Variants in PLA2G5 observed in about 807,000 individuals in gnomAD.
The protein encoded by PLA2G5 is phospholipase A2 group V.
Under a neutral mutation model 15.9 loss-of-function variants are expected in PLA2G5, and 12 were observed. The ratio of observed to expected loss-of-function variants is 0.76; its 90% CI spans 0.48 to 1.23. The LOEUF (loss-of-function observed/expected upper bound fraction) is 1.23, where lower values mean the gene tolerates loss of function less well. Among genes scored for constraint, PLA2G5 ranks in the 50% most tolerant of loss-of-function variants. The pLI is 0.00. For synonymous variants in PLA2G5, 71 were observed against 71.4 expected (o/e 0.99, Z 0.03); for missense variants, 169 against 177.1 (o/e 0.95, Z 0.26).
chr1:20,081,351 T>C (rs1176970375), intron 1 of PLA2G5, among the ~76,000 whole-genome samples: 2 of 151,798 alleles, frequency 1.3e-5, no homozygotes, highest in East Asian at 1.9e-4. Context: ...CTTTCCAGGG[T>C]GTGGGTTTTC....
In PLA2G5 at chr1:20,070,386, C is replaced by A; in HGVS notation, c.-90C>A. 1 of 985,414 alleles carries A rather than the reference C, an allele frequency of 1.0e-6. No homozygotes were observed. The highest frequency in any genetic ancestry group is 1.2e-6 in the Non-Finnish European group (1 of 829,910). 61.0% of individuals were successfully genotyped at this position (985,414 alleles called of 1,614,324 possible). A position where few individuals can be genotyped will look rare whatever the true frequency, so the allele number is the denominator to read the frequency against. On this transcript the variant is annotated 5_prime_UTR_variant, in exon 1 of 5. Transcript: ENST00000375108. ...GACTGGAGACGGGGAGCCCGCGAGA[C>A]CCGGGTCTCCAGGGTCTGCCCAAGG...
At chr1:20,063,255 A>C (rs1410922998) in intron 2 of PLA2G5, among the ~76,000 whole-genome samples, 1 of 152,222 alleles carries the variant, frequency 6.6e-6, no homozygotes, top group Non-Finnish European at 1.5e-5. Context: ...TCTCACAACA[A>C]ATAGGTGCCC....
chr1:20,066,997 C>T (rs565529440), upstream of PLA2G5, among the ~76,000 whole-genome samples: 1 of 49,260 alleles, frequency 2.0e-5, no homozygotes, highest in South Asian at 9.1e-4. Flanking sequence ...CAGAGTGAGA[C>T]CTTGTCTTTT....
chr1:20,029,183 G>A (rs1428129263), intron 1 of PLA2G5, among the ~76,000 whole-genome samples: 3 of 152,160 alleles, frequency 2.0e-5, no homozygotes, highest in Non-Finnish European at 4.4e-5. Flanking sequence ...GAAACCAGAA[G>A]GGAGATGGTT....
In PLA2G5 at chr1:20,091,867, C is replaced by A. The variant is rs933727425; in HGVS notation, c.*1175C>A. On this transcript the variant is annotated 3_prime_UTR_variant, in exon 5 of 5. Coordinates refer to ENST00000375108, the MANE Select transcript of PLA2G5 (RefSeq NM_000929.3). ...GTCTATATTTAAAAAGCTCTAGTGT[C>A]GAATGTTTTCAAAATAAAATTTAAT... 6.6e-6 allele frequency among the ~76,000 whole-genome samples: 1 copy of A among 152,044 alleles called. No homozygotes were observed. Among genetic ancestry groups the A allele is most frequent in the African/African-American group, 2.4e-5 (1 of 41,386 alleles).
At chr1:20,055,516 C>T (rs2014388531) in intron 1 of PLA2G5, among the ~76,000 whole-genome samples, 1 of 152,150 alleles carries the variant, frequency 6.6e-6, no homozygotes, top group African/African-American at 2.4e-5. Flanking sequence ...CTCTGGCCCA[C>T]CACCTGATGT....
chr1:20,064,562 G>A (rs1026118113), intron 2 of PLA2G5, among the ~76,000 whole-genome samples: 3 of 149,358 alleles, frequency 2.0e-5, no homozygotes, highest in African/African-American at 7.4e-5. Flanking sequence ...GTGACAGAGC[G>A]AGACTCCATC....
intron 1 of PLA2G5, among the ~76,000 whole-genome samples, chr1:20,083,384 C>T (rs759148574): frequency 6.6e-6 from 1 of 151,744 alleles, no homozygotes. Flanking sequence ...TCTTGGGAGG[C>T]GCCAGGGGTT....
intron 1 of PLA2G5, among the ~76,000 whole-genome samples, chr1:20,074,694 A>G (rs866490103): frequency 1.3e-5 from 2 of 152,334 alleles, no homozygotes; most frequent in African/African-American, 4.8e-5. Flanking sequence ...ACCACTCCCA[A>G]GACAGCTCAT....
In PLA2G5 at chr1:20,084,890, C is replaced by T. The variant is rs779836652; in HGVS notation, c.40+20C>T. ...CTTGTAGTAAGTGCTGGCCCCGTGA[C>T]CTTCGAATGAACTTTTACCCCATGG... On this transcript the variant is annotated intron_variant, in intron 2 of 4. Coordinates refer to ENST00000375108, the MANE Select transcript of PLA2G5 (RefSeq NM_000929.3). The T allele has an allele frequency of 3.8e-6, 6 of 1,576,906 alleles. No homozygotes were observed. Among genetic ancestry groups the T allele is most frequent in the Middle Eastern group, 1.7e-4 (1 of 5,992 alleles).
chr1:20,055,354 A>T (rs2014382923), intron 1 of PLA2G5, among the ~76,000 whole-genome samples: 2 of 152,184 alleles, frequency 1.3e-5, no homozygotes, highest in African/African-American at 4.8e-5. Flanking sequence ...GGCGGAAATA[A>T]ATCAGTGACC....
intron 1 of PLA2G5, among the ~76,000 whole-genome samples, chr1:20,037,742 C>A (rs1569632108): frequency 6.6e-6 from 1 of 152,134 alleles, no homozygotes; most frequent in Admixed American, 6.6e-5. Context: ...TGGGGGAATA[C>A]AAGTTTGCCC....
intron 1 of PLA2G5, among the ~76,000 whole-genome samples, chr1:20,032,538 C>T (rs2013016344): frequency 6.6e-6 from 1 of 151,948 alleles, no homozygotes; most frequent in East Asian, 1.9e-4. Context: ...TTTGATAGCT[C>T]CCTGAGGGGA....
chr1:20,048,722 T>C (rs981063095), intron 1 of PLA2G5, among the ~76,000 whole-genome samples: 1 of 152,216 alleles, frequency 6.6e-6, no homozygotes, highest in African/African-American at 2.4e-5. Context: ...TCTTCTTCAC[T>C]GGGTCTGTTA....
chr1:20,054,586 T>C (rs945897415), intron 1 of PLA2G5, among the ~76,000 whole-genome samples: 1 of 152,130 alleles, frequency 6.6e-6, no homozygotes, highest in African/African-American at 2.4e-5. Flanking sequence ...AATGTTTTCC[T>C]CCCAACTTGG....
At chr1:20,032,711 A>G (rs1240290886) in intron 1 of PLA2G5, among the ~76,000 whole-genome samples, 1 of 152,232 alleles carries the variant, frequency 6.6e-6, no homozygotes, top group Non-Finnish European at 1.5e-5. Flanking sequence ...AGACAATTTT[A>G]TTACTGAGGT....
At chr1:20,090,358 C>T (rs1296114627) in intron 4 of PLA2G5, among the ~76,000 whole-genome samples, 1 of 152,198 alleles carries the variant, frequency 6.6e-6, no homozygotes, top group East Asian at 1.9e-4. Flanking sequence ...AGACTGGGAA[C>T]TCCCTGAGGG....
chr1:20,069,086 A>G (rs1310081358), upstream of PLA2G5: 3 of 475,370 alleles, frequency 6.3e-6, no homozygotes, highest in African/African-American at 2.0e-5. Context: ...AAGTGAAAAC[A>G]ATGATACGCA....
chr1:20,054,190 C>T (rs55947185), intron 1 of PLA2G5, among the ~76,000 whole-genome samples: 24,891 of 152,172 alleles, frequency 0.16, 2,235 homozygotes, highest in East Asian at 0.28. Context: ...CAATTCAATC[C>T]GCTAAGGCAG....
Sources: allele counts gnomAD v4.1 joint callset (sites outside exome capture counted in the v4.1 genomes callset), GRCh38; gene constraint gnomAD v4.1.1; transcripts MANE v1.5; gene names NCBI Gene and HGNC (gene_info 2026-07-23, HGNC 2026-07-21).